IGSF22: variants seen among roughly 807,000 people sequenced by gnomAD.
The protein encoded by IGSF22 is immunoglobulin superfamily, member 22.
A neutral mutation model predicts 127.0 loss-of-function variants in IGSF22; 119 were observed. The observed-to-expected ratio is 0.94, with a 90% CI of 0.81 to 1.09. The LOEUF is 1.09. Among genes scored for constraint, IGSF22 ranks in the 50% least tolerant of loss-of-function variants. The pLI, the probability that IGSF22 is intolerant of heterozygous loss-of-function variation, is 0.00. For missense variants in IGSF22, 1,518 were observed against 1,716.6 expected (o/e 0.88, Z 2.04); for synonymous variants, 568 against 664.7 (o/e 0.85, Z 2.24).
intron 15 of IGSF22, among the ~76,000 whole-genome samples, chr11:18,711,305 A>AC (rs982728742): frequency 3.0e-4 from 46 of 152,242 alleles, no homozygotes; most frequent in African/African-American, 1.1e-3. Context: ...CTACAGTGTG[A>AC]CCCCCAATCC....
chr11:18,714,095 T>C lies in IGSF22; in HGVS notation c.1852A>G (p.Thr618Ala). The change falls in exon 14 of 23, where the codon ACT becomes GCT. Residue 618 changes from threonine (T) to alanine (A), a missense_variant. By Grantham distance (58) the Thr-to-Ala change is moderately conservative (BLOSUM62 0). Around this residue, in one of 3 missense-constraint regions of IGSF22, gnomAD observed 1,456 missense variants for 1,644.9 expected, o/e 0.89. Coordinates refer to ENST00000513874, the MANE Select transcript of IGSF22 (RefSeq NM_173588.4). ...VLEALAAHAI[T>A]VKVGHTAHIK... ...TGGGCCGTGTGGCCTACCTTCACAG[T>C]GATGGCGTGCGCAGCCAGTGCCTCC... The C allele has an allele frequency of 6.2e-7, 1 of 1,614,196 alleles. No homozygotes were observed.
At chr11:18,719,165 G>A (rs1848516350) in intron 7 of IGSF22, among the ~76,000 whole-genome samples, 1 of 152,200 alleles carries the variant, frequency 6.6e-6, no homozygotes, top group African/African-American at 2.4e-5. Flanking sequence ...TTTGTTTTGA[G>A]ACGGAGTCTT....
intron 20 of IGSF22, 110 bp downstream of exon 20, chr11:18,707,694 T>C (rs1848268065): frequency 1.2e-6 from 1 of 846,494 alleles, no homozygotes. Flanking sequence ...GAAATCTTCA[T>C]GGCCCTAAGG....
intron 4 of IGSF22, among the ~76,000 whole-genome samples, chr11:18,721,125 G>A (rs1231183537): frequency 1.3e-5 from 2 of 152,154 alleles, no homozygotes; most frequent in Non-Finnish European, 2.9e-5. Context: ...CGGAGCCCCT[G>A]ACCCTCACCC....
Position 18,718,004 on chromosome 11 carries a change from C to A in IGSF22, c.900G>T (p.Val300=). The change falls in exon 9 of 23, where the codon GTG becomes GTT. Residue 300 remains valine, a synonymous_variant. Transcript: ENST00000513874. ...TGTAGATGCCAGCATCGTTCATGTT[C>A]ACGTTGCTAATAACCAGCATGTACT... ...GTKYMLVISN[V]NMNDAGIYSL... 6.2e-7 allele frequency: 1 copy of A among 1,614,214 alleles called. No homozygotes were observed. Among genetic ancestry groups the A allele is most frequent in the Non-Finnish European group, 8.5e-7 (1 of 1,180,032 alleles).
chr11:18,707,817 A>G lies in IGSF22; in HGVS notation c.3267T>C (p.His1089=), dbSNP rs750825167. 1.3e-6 allele frequency: 2 copies of G among 1,597,270 alleles called. No individual in the cohort carries two copies. Among genetic ancestry groups the G allele is most frequent in the African/African-American group, 2.7e-5 (2 of 74,758 alleles). The change falls in exon 20 of 23, where the codon CAT becomes CAC. Residue 1089 remains histidine (H), a synonymous_variant. Coordinates refer to ENST00000513874, the MANE Select transcript of IGSF22 (RefSeq NM_173588.4). ...NEFGEARYDI[H]VRVADFPRPP... is the part of the protein sequence containing the mutation. ...TTCTCTCCATACCTGCCACGCGCAC[A>G]TGGATGTCATAGCGTGCTTCTCCAA...
Position 18,709,537 on chromosome 11 carries a change from A to C in IGSF22, c.2848T>G (p.Cys950Gly). 6.2e-7 allele frequency: 1 copy of C among 1,614,140 alleles called. No individual in the cohort carries two copies. ...GTGCCTGAGATGGGGATCTTTGTGC[A>C]CTTGGACCACTCCTTTGTGTCTTCA... Reference protein sequence around the residue: ...RAEDTKEWSKCTKIPISGTCY... With the variant: ...RAEDTKEWSKGTKIPISGTCY... Residue 950 changes from cysteine to glycine, a missense_variant, in exon 18 of 23, where the codon TGC becomes GGC. This residue lies in a region of IGSF22 where 1,456 missense variants were observed against 1,644.9 expected (regional missense o/e 0.89). Coordinates refer to ENST00000513874, the MANE Select transcript of IGSF22 (RefSeq NM_173588.4). This position sits in a 1 kb window ranked among gnomAD's most constrained non-coding sequence, Gnocchi z 4.8.
intron 16 of IGSF22, 51 bp from the exon 17 acceptor site, chr11:18,710,506 G>A: frequency 5.0e-6 from 8 of 1,608,882 alleles, no homozygotes; most frequent in Non-Finnish European, 6.8e-6. Context: ...CATGGGGTGA[G>A]AACAAGAGTG....
At chr11:18,713,465 T>G (rs1848395563) in intron 14 of IGSF22, among the ~76,000 whole-genome samples, 1 of 152,242 alleles carries the variant, frequency 6.6e-6, no homozygotes, top group South Asian at 2.1e-4. Context: ...CCACCGTGTC[T>G]GGCAAATTCT....
Position 18,710,676 on chromosome 11 carries a change from C to A in IGSF22, c.2551G>T (p.Val851Phe), listed in dbSNP as rs1564869663. ...RKKGSNLWVP[V>F]NKDPIQGTKC... ...TCACCCTGGATGGGGTCCTTGTTGA[C>A]TGGCACCCACAGGTTGCTGCCTTTC... The change falls in exon 16 of 23, where the codon GTC becomes TTC. Residue 851 changes from valine (V) to phenylalanine (F), a missense_variant. This residue lies in a region of IGSF22 where 1,456 missense variants were observed against 1,644.9 expected (regional missense o/e 0.89). Coordinates refer to ENST00000513874, the MANE Select transcript of IGSF22 (RefSeq NM_173588.4). 18 of 1,612,858 alleles carry A rather than the reference C, an allele frequency of 1.1e-5. No individual in the cohort carries two copies. Among genetic ancestry groups the A allele is most frequent in the Non-Finnish European group, 1.5e-5 (18 of 1,178,974 alleles).
chr11:18,707,913 G>A lies in IGSF22; in HGVS notation c.3171C>T (p.His1057=), dbSNP rs779020186. The A allele has an allele frequency of 4.9e-5, 79 of 1,614,110 alleles. No individual in the cohort carries two copies. Among genetic ancestry groups the A allele is most frequent in the Non-Finnish European group, 6.7e-5 (79 of 1,180,048 alleles). Residue 1057 remains histidine (H), a synonymous_variant, in exon 20 of 23, where the codon CAC becomes CAT. Coordinates refer to ENST00000513874, the MANE Select transcript of IGSF22 (RefSeq NM_173588.4). The part of the protein sequence containing the change: ...GRETITKSKN[H]SQFLINSTKR... ...TGGTGCTATTAATGAGGAACTGGGA[G>A]TGGTTTTTGCTCTTGGTAATTGTCT...
chr11:18,708,024 T>C, intron 19 of IGSF22, 28 bp from the exon 20 acceptor site: 1 of 1,612,404 alleles, frequency 6.2e-7, no homozygotes, highest in Non-Finnish European at 8.5e-7. Context: ...ATGGCACAAC[T>C]GGTCACACAG....
chr11:18,710,377 G>A lies in IGSF22; in HGVS notation c.2651C>T (p.Pro884Leu). The A allele has an allele frequency of 6.2e-7, 1 of 1,614,234 alleles. No individual in the cohort carries two copies. Among genetic ancestry groups the A allele is most frequent in the Non-Finnish European group, 8.5e-7 (1 of 1,180,054 alleles). Residue 884 changes from proline to leucine, a missense_variant, in exon 17 of 23, where the codon CCT becomes CTT. By Grantham distance (98) the Pro-to-Leu change is moderately conservative (BLOSUM62 -3). Coordinates refer to ENST00000513874, the MANE Select transcript of IGSF22 (RefSeq NM_173588.4). ...GCTGGATGGCACACTGGGCTGTCCA[G>A]GGCCTGCCTTATTTACAGCTATAAC... ...FRVIAVNKAGPGQPSVPSSSV... is the reference protein window; with the variant it reads ...FRVIAVNKAGLGQPSVPSSSV...
intron 17 of IGSF22, among the ~76,000 whole-genome samples, chr11:18,710,094 T>A (rs1435525953): frequency 1.3e-5 from 2 of 152,080 alleles, no homozygotes; most frequent in East Asian, 3.8e-4. Flanking sequence ...TAACTAGAAA[T>A]ACACGAAATT....
Position 18,715,695 on chromosome 11 carries a change from C to T in IGSF22, c.1268G>A (p.Ser423Asn). The change falls in exon 11 of 23, where the codon AGC becomes AAC. Residue 423 changes from serine to asparagine, a missense_variant. By Grantham distance (46) the Ser-to-Asn change is conservative (BLOSUM62 1). Coordinates refer to ENST00000513874, the MANE Select transcript of IGSF22 (RefSeq NM_173588.4). ...TVDRIPIKFV[S>N]NLKNVRVKER... ...TTTCACACGTACATTTTTGAGGTTG[C>T]TCACAAACTTGATGGGGATGCCTGT... 2 of 1,611,508 alleles carry T rather than the reference C, an allele frequency of 1.2e-6. No homozygotes were observed. The highest frequency in any genetic ancestry group is 2.2e-5 in the South Asian group (2 of 91,050).
intron 7 of IGSF22, among the ~76,000 whole-genome samples, chr11:18,719,309 G>GGTTTTTTTTTT (rs1848521728): frequency 4.4e-5 from 4 of 90,554 alleles, no homozygotes; most frequent in African/African-American, 1.4e-4. Flanking sequence ...CACACCCAGC[G>GGTTTTTTTTTT]GTTTTTTTTT....
At chr11:18,723,291 A>G (rs1171689007) in intron 2 of IGSF22, among the ~76,000 whole-genome samples, 1 of 152,246 alleles carries the variant, frequency 6.6e-6, no homozygotes, top group East Asian at 1.9e-4. Flanking sequence ...GGTGACTCTG[A>G]TGTGCGGCCA....
At position 18,706,105 on chromosome 11, in the gene IGSF22, CCTT is replaced by C. The variant is rs747048024; in HGVS notation, c.3619_3621del (p.Lys1207del). On this transcript the variant is annotated inframe_deletion, in exon 22 of 23. Transcript: ENST00000513874. ...ACGAAGCGCGGCGCGTGGCGCCAGT[CCTT>C]CTTCTCGTAGGGCTTGAGCTTGGCG... 2.9e-4 allele frequency: 456 copies of C among 1,546,742 alleles called. 1 individual carries two copies. In the Middle Eastern group the frequency reaches 3.5e-3, roughly 12 times the overall value.
chr11:18,709,164 G>T lies in IGSF22; in HGVS notation c.2998+223C>A, dbSNP rs1293832922. Among the ~76,000 whole-genome samples, 1 of 151,864 alleles carries T rather than the reference G, an allele frequency of 6.6e-6. No individual in the cohort carries two copies. Among genetic ancestry groups the T allele is most frequent in the Admixed American group, 6.6e-5 (1 of 15,250 alleles). Reference sequence around the variant, plus strand: ...TACAATGCGCAAGAAGAACCCATTGGGTGGTTACACCTTGACACACAGTAG... The same window carrying T: ...TACAATGCGCAAGAAGAACCCATTGTGTGGTTACACCTTGACACACAGTAG... On this transcript the variant is annotated intron_variant, in intron 18 of 22. Transcript: ENST00000513874. This position sits in a 1 kb window ranked among gnomAD's most constrained non-coding sequence, Gnocchi z 4.8.
Sources: allele counts gnomAD v4.1 joint callset (sites outside exome capture counted in the v4.1 genomes callset), GRCh38; gene constraint gnomAD v4.1.1; regional missense constraint gnomAD v4.1.1; non-coding constraint Gnocchi (gnomAD v3.1); transcripts MANE v1.5; gene names NCBI Gene and HGNC (gene_info 2026-07-23, HGNC 2026-07-21).